The following CSMD1 variants were observed in gnomAD, a reference collection of about 807,000 sequenced individuals.
CSMD1 encodes the protein CUB and Sushi multiple domains 1.
Under a neutral mutation model 417.5 loss-of-function variants are expected in CSMD1, and 213 were observed. That is an observed-to-expected ratio of 0.51 (90% CI 0.46 to 0.57). CSMD1 has a LOEUF of 0.57. Among genes scored for constraint, CSMD1 ranks in the 20% least tolerant of loss-of-function variants. The probability of loss-of-function intolerance (pLI) is 0.00; values close to 1 mark genes in which losing one functional copy is unlikely to be tolerated. For synonymous variants in CSMD1, 2,862 were observed against 1,736.8 expected (o/e 1.65, Z -16.11); for missense variants, 6,923 against 4,529.7 (o/e 1.53, Z -15.17).
chr8:4,257,345 G>A (rs1160919312), intron 3 of CSMD1, among the ~76,000 whole-genome samples: 1 of 151,874 alleles, frequency 6.6e-6, no homozygotes, highest in African/African-American at 2.4e-5. Context: ...ATCCATTCAA[G>A]GGTTGAATAA....
chr8:4,473,169 G>C (rs1025609968), intron 2 of CSMD1, among the ~76,000 whole-genome samples: 1 of 152,098 alleles, frequency 6.6e-6, no homozygotes, highest in African/African-American at 2.4e-5. Flanking sequence ...AAATTCCAAT[G>C]ATTTTCCAAA....
At chr8:4,744,711 G>C (rs1295004347) in intron 1 of CSMD1, among the ~76,000 whole-genome samples, 1 of 152,046 alleles carries the variant, frequency 6.6e-6, no homozygotes, top group South Asian at 2.1e-4. Context: ...CTTTTCTCAG[G>C]TCATGGTTTA....
intron 2 of CSMD1, among the ~76,000 whole-genome samples, chr8:4,462,701 T>C (rs1799909414): frequency 6.6e-6 from 1 of 152,356 alleles, no homozygotes; most frequent in Non-Finnish European, 1.5e-5. Flanking sequence ...ACCCGTCAAT[T>C]TGATTTTTGA....
intron 2 of CSMD1, among the ~76,000 whole-genome samples, chr8:4,565,803 C>CAT (rs1375114056): frequency 2.2e-4 from 21 of 96,958 alleles, no homozygotes; most frequent in Admixed American, 5.6e-4. Context: ...TATATGTATA[C>CAT]ATATATATAT....
intron 2 of CSMD1, among the ~76,000 whole-genome samples, chr8:4,424,977 C>T (rs1262517201): frequency 6.6e-6 from 1 of 151,954 alleles, no homozygotes; most frequent in South Asian, 2.1e-4. Context: ...TTAAAATAAT[C>T]TAGTAACCAA....
intron 3 of CSMD1, among the ~76,000 whole-genome samples, chr8:4,174,711 G>C (rs1025227671): frequency 1.7e-5 from 2 of 117,714 alleles, no homozygotes; most frequent in African/African-American, 7.4e-5. Flanking sequence ...ACACTGAAGA[G>C]AGAGGAAGAG....
chr8:3,685,579 G>A (rs931039969), intron 7 of CSMD1, among the ~76,000 whole-genome samples: 2 of 152,122 alleles, frequency 1.3e-5, no homozygotes, highest in African/African-American at 2.4e-5. Flanking sequence ...CAGGAGTGAA[G>A]CATCTGGCAT....
intron 66 of CSMD1, among the ~76,000 whole-genome samples, chr8:2,950,707 C>G (rs1455587805): frequency 6.6e-6 from 1 of 152,096 alleles, no homozygotes; most frequent in Non-Finnish European, 1.5e-5. Flanking sequence ...TGATAATACA[C>G]ATACAGTGCT....
At chr8:4,355,234 C>G (rs958028493) in intron 3 of CSMD1, among the ~76,000 whole-genome samples, 4 of 151,822 alleles carry the variant, frequency 2.6e-5, no homozygotes, top group African/African-American at 9.7e-5. Context: ...TGCACTCCAG[C>G]CTGGGTAAGA....
chr8:4,800,834 C>G (rs923409873), intron 1 of CSMD1, among the ~76,000 whole-genome samples: 1 of 152,226 alleles, frequency 6.6e-6, no homozygotes, highest in Non-Finnish European at 1.5e-5. Flanking sequence ...GTGCAGGGCA[C>G]AAAGTCCAAG....
At position 3,525,643 on chromosome 8, in the gene CSMD1, A is replaced by G. The variant is rs991640178; in HGVS notation, c.1345-31917T>C. 1.6e-4 allele frequency among the ~76,000 whole-genome samples: 25 copies of G among 152,138 alleles called. 1 individual carries two copies. Among genetic ancestry groups the G allele is most frequent in the Admixed American group, 1.5e-3 (23 of 15,272 alleles). On this transcript the variant is annotated intron_variant, in intron 10 of 69. Coordinates refer to ENST00000635120, the MANE Select transcript of CSMD1 (RefSeq NM_033225.6). ...AAACCTCTTGCCTGACATTCTATCA[A>G]TCTCATCATGATAGCAATCAATGGA... is the stretch of plus-strand genomic sequence containing the variant.
At chr8:2,975,753 G>T (rs1165732064) in intron 55 of CSMD1, among the ~76,000 whole-genome samples, 1 of 152,146 alleles carries the variant, frequency 6.6e-6, no homozygotes, top group African/African-American at 2.4e-5. Flanking sequence ...GAGCTCAGCT[G>T]CTCTAGAGCA....
chr8:4,427,592 G>A (rs1044928259), intron 2 of CSMD1, among the ~76,000 whole-genome samples: 3 of 152,024 alleles, frequency 2.0e-5, no homozygotes, highest in African/African-American at 4.8e-5. Context: ...ATCATTTGGA[G>A]AGAGACTCGA....
At chr8:3,394,012 T>TAAAATATA (rs1554536992) in intron 17 of CSMD1, among the ~76,000 whole-genome samples, 1 of 31,618 alleles carries the variant, frequency 3.2e-5, no homozygotes, top group East Asian at 8.0e-4. Context: ...AAAAAATAAA[T>TAAAATATA]TATATATATA....
At chr8:4,569,836 T>A (rs1398384094) in intron 2 of CSMD1, among the ~76,000 whole-genome samples, 2 of 152,216 alleles carry the variant, frequency 1.3e-5, no homozygotes, top group Non-Finnish European at 2.9e-5. Context: ...GATTTGTAGT[T>A]CTCCTTGAAG....
chr8:3,049,736 C>G (rs1811693018), intron 50 of CSMD1, among the ~76,000 whole-genome samples: 1 of 152,028 alleles, frequency 6.6e-6, no homozygotes, highest in African/African-American at 2.4e-5. Context: ...GGTGCAACAC[C>G]AAAAATGAGC....
chr8:3,967,425 T>C (rs1812753777), intron 5 of CSMD1, among the ~76,000 whole-genome samples: 1 of 150,328 alleles, frequency 6.7e-6, no homozygotes, highest in African/African-American at 2.5e-5. Context: ...CCTGATGCTT[T>C]CAAAGTCCTC....
intron 3 of CSMD1, among the ~76,000 whole-genome samples, chr8:4,229,031 T>A (rs1477897029): frequency 2.0e-5 from 3 of 152,184 alleles, no homozygotes; most frequent in Admixed American, 6.5e-5. Flanking sequence ...TATATCCGAC[T>A]GTCTTCTCAA....
chr8:3,783,018 G>T (rs7841592), intron 5 of CSMD1, among the ~76,000 whole-genome samples: 15,159 of 152,116 alleles, frequency 0.1, 1,018 homozygotes, highest in African/African-American at 0.19. Context: ...ATAGCACATC[G>T]CAAGCACGCG....
Sources: allele counts gnomAD v4.1 joint callset (sites outside exome capture counted in the v4.1 genomes callset), GRCh38; gene constraint gnomAD v4.1.1; transcripts MANE v1.5; gene names NCBI Gene and HGNC (gene_info 2026-07-23, HGNC 2026-07-21).